The following SSBP2 variants were observed in gnomAD, a reference collection of about 807,000 sequenced individuals.
The protein encoded by SSBP2 is single-stranded DNA-binding protein 2.
SSBP2 carries 17 observed loss-of-function variants against 61.8 expected under a neutral mutation model. That is an observed-to-expected ratio of 0.28 (90% confidence interval 0.19 to 0.41). The LOEUF (loss-of-function observed/expected upper bound fraction) is 0.41, where lower values mean the gene tolerates loss of function less well. SSBP2 is among the 10% of genes least tolerant of loss of function. The pLI is 1.00. For missense variants in SSBP2, 310 were observed against 458.7 expected (o/e 0.68, Z 2.96); for synonymous variants, 139 against 141.3 (o/e 0.98, Z 0.12).
chr5:81,481,534 C>T (rs1323547040), intron 6 of SSBP2, among the ~76,000 whole-genome samples: 1 of 151,084 alleles, frequency 6.6e-6, no homozygotes, highest in African/African-American at 2.4e-5. Context: ...GCAGGAGAAT[C>T]GCTTGAACCT....
intron 6 of SSBP2, among the ~76,000 whole-genome samples, chr5:81,487,449 A>G (rs909970838): frequency 2.6e-5 from 4 of 152,134 alleles, no homozygotes; most frequent in African/African-American, 9.7e-5. Flanking sequence ...TAACAGATCT[A>G]TCTCTTCTAG....
chr5:81,502,576 G>C (rs1039102185), intron 5 of SSBP2, among the ~76,000 whole-genome samples: 3 of 152,108 alleles, frequency 2.0e-5, no homozygotes, highest in African/African-American at 7.2e-5. Flanking sequence ...CTCACATCTT[G>C]TTCCCTACTC....
intron 1 of SSBP2, among the ~76,000 whole-genome samples, chr5:81,716,661 A>T (rs1755189948): frequency 6.6e-6 from 1 of 152,162 alleles, no homozygotes; most frequent in Non-Finnish European, 1.5e-5. Context: ...ATTCTTTTAA[A>T]ACTCCTTAAT....
intron 4 of SSBP2, chr5:81,615,100 C>T (rs1745875154): frequency 5.9e-6 from 1 of 168,560 alleles, no homozygotes; most frequent in Admixed American, 6.0e-5. Flanking sequence ...TATATTTAAT[C>T]AAAAATCTTA....
intron 4 of SSBP2, among the ~76,000 whole-genome samples, chr5:81,536,936 G>A (rs1328988681): frequency 2.6e-5 from 4 of 151,848 alleles, no homozygotes; most frequent in South Asian, 2.1e-4. Flanking sequence ...CCCAGGAGGC[G>A]GAGGTTGCAG....
intron 3 of SSBP2, among the ~76,000 whole-genome samples, chr5:81,622,711 A>G (rs1479260317): frequency 6.6e-6 from 1 of 152,218 alleles, no homozygotes; most frequent in African/African-American, 2.4e-5. Context: ...TGAGGATACA[A>G]CAAAACTTGG....
chr5:81,592,465 TC>T (rs533301172), intron 4 of SSBP2, among the ~76,000 whole-genome samples: 54 of 152,284 alleles, frequency 3.5e-4, no homozygotes, highest in African/African-American at 1.2e-3. Flanking sequence ...GACTTAAATG[TC>T]CCTGTCTGAC....
At chr5:81,501,452 A>G (rs2154070727) in intron 5 of SSBP2, among the ~76,000 whole-genome samples, 1 of 150,032 alleles carries the variant, frequency 6.7e-6, no homozygotes, top group East Asian at 2.0e-4. Flanking sequence ...ATTTGCAGGC[A>G]TTCCAAGTAA....
At chr5:81,697,145 A>T (rs1753656573) in intron 1 of SSBP2, among the ~76,000 whole-genome samples, 1 of 152,264 alleles carries the variant, frequency 6.6e-6, no homozygotes, top group African/African-American at 2.4e-5. Flanking sequence ...TCTACCCAAG[A>T]CAGGCTGTCA....
chr5:81,610,996 AAAAC>A (rs950892596), intron 4 of SSBP2, among the ~76,000 whole-genome samples: 23 of 152,386 alleles, frequency 1.5e-4, no homozygotes, highest in African/African-American at 2.4e-4. Flanking sequence ...CTCTGTCTCA[AAAAC>A]AAACAAACAA....
At chr5:81,678,750 G>A (rs1445390071) in intron 1 of SSBP2, among the ~76,000 whole-genome samples, 10 of 151,944 alleles carry the variant, frequency 6.6e-5, no homozygotes, top group South Asian at 4.1e-4. Flanking sequence ...AACTATGTAC[G>A]CAGGAATAAA....
chr5:81,575,306 G>A (rs1416747446), intron 4 of SSBP2, among the ~76,000 whole-genome samples: 1 of 151,998 alleles, frequency 6.6e-6, no homozygotes. Flanking sequence ...AGGAAGAAAC[G>A]TTTTCTGTAA....
intron 3 of SSBP2, chr5:81,616,025 T>C (rs1359567946): frequency 6.5e-6 from 1 of 152,882 alleles, no homozygotes; most frequent in Non-Finnish European, 1.5e-5. Flanking sequence ...CAAATGTATT[T>C]TCTAAATAAT....
chr5:81,751,660 G>C (rs1442969958), upstream of SSBP2: 2 of 154,476 alleles, frequency 1.3e-5, no homozygotes, highest in South Asian at 3.7e-4. Flanking sequence ...CCCCGCGCCG[G>C]TACCCACGAT....
intron 1 of SSBP2, among the ~76,000 whole-genome samples, chr5:81,661,768 G>A (rs559205403): frequency 7.9e-5 from 12 of 152,170 alleles, no homozygotes; most frequent in Non-Finnish European, 1.2e-4. Context: ...GGTTTGGTTC[G>A]TAAATATTTT....
chr5:81,496,823 T>C (rs559314257), intron 5 of SSBP2, among the ~76,000 whole-genome samples: 103 of 152,344 alleles, frequency 6.8e-4, no homozygotes, highest in African/African-American at 1.8e-3. Flanking sequence ...GGAATACCTT[T>C]AGAATAACGG....
chr5:81,467,056 A>G lies in SSBP2; in HGVS notation c.571-15T>C. The G allele has an allele frequency of 6.2e-7, 1 of 1,606,498 alleles. No individual in the cohort carries two copies. The highest frequency in any genetic ancestry group is 8.5e-7 in the Non-Finnish European group (1 of 1,175,280). On this transcript the variant is annotated splice_polypyrimidine_tract_variant and intron_variant, in intron 8 of 16. Coordinates refer to ENST00000320672, the MANE Select transcript of SSBP2 (RefSeq NM_012446.5). ...CCTCCATAGTTCTGTAATGATAACCAAGGGTCAGACTACCACAAAACAAAA... is the reference window on the plus strand; with the variant it reads ...CCTCCATAGTTCTGTAATGATAACCGAGGGTCAGACTACCACAAAACAAAA...
At chr5:81,678,448 C>T (rs1354408223) in intron 1 of SSBP2, among the ~76,000 whole-genome samples, 1 of 151,738 alleles carries the variant, frequency 6.6e-6, no homozygotes, top group Non-Finnish European at 1.5e-5. Context: ...TTTTAACATA[C>T]ATGTAATGAA....
chr5:81,633,106 G>GTT (rs1641894299), intron 3 of SSBP2, among the ~76,000 whole-genome samples: 1 of 108,884 alleles, frequency 9.2e-6, no homozygotes, highest in African/African-American at 3.7e-5. Flanking sequence ...CTGAGCCTCT[G>GTT]TCTTTTTTTT....
Sources: allele counts gnomAD v4.1 joint callset (sites outside exome capture counted in the v4.1 genomes callset), GRCh38; gene constraint gnomAD v4.1.1; transcripts MANE v1.5; gene names NCBI Gene and HGNC (gene_info 2026-07-23, HGNC 2026-07-21).